The following QTRT2 variants were observed in gnomAD, a reference collection of about 807,000 sequenced individuals.
QTRT2 encodes the protein queuine tRNA-ribosyltransferase domain containing 1.
Under a neutral mutation model 44.8 loss-of-function variants are expected in QTRT2, and 32 were observed. The observed-to-expected ratio is 0.71, with a 90% CI of 0.54 to 0.96. The LOEUF (loss-of-function observed/expected upper bound fraction) is 0.96, where lower values mean the gene tolerates loss of function less well. QTRT2 is among the 40% of genes least tolerant of loss of function. The probability of loss-of-function intolerance (pLI) is 0.00; values close to 1 mark genes in which losing one functional copy is unlikely to be tolerated. For missense variants in QTRT2, 461 were observed against 503.1 expected (o/e 0.92, Z 0.80); for synonymous variants, 182 against 187.4 (o/e 0.97, Z 0.24).
chr3:114,062,361 C>A (rs542501503), intron 2 of QTRT2, among the ~76,000 whole-genome samples: 1 of 112,646 alleles, frequency 8.9e-6, no homozygotes, highest in Admixed American at 1.1e-4. Flanking sequence ...AGAGTGAGAC[C>A]TTGTCTCAAA....
intron 6 of QTRT2, among the ~76,000 whole-genome samples, chr3:114,074,456 C>CT (rs1451431164): frequency 2.4e-4 from 36 of 152,328 alleles, no homozygotes; most frequent in African/African-American, 7.9e-4. Flanking sequence ...CAAGTTTTAT[C>CT]TTTCCTCTTC....
chr3:114,057,062 A>G lies in QTRT2; in HGVS notation c.-66A>G. The G allele has an allele frequency of 7.3e-7, 1 of 1,378,824 alleles. No individual in the cohort carries two copies. Among genetic ancestry groups the G allele is most frequent in the South Asian group, 1.7e-5 (1 of 58,278 alleles). 85.4% of individuals were successfully genotyped at this position (1,378,824 alleles called of 1,614,324 possible). ...CATAAATCGTGTGAGCGTCGCCGAC[A>G]CCTCTGAGATAAAAGGGCCCCTTTC... On this transcript the variant is annotated 5_prime_UTR_variant, in exon 2 of 10. Transcript: ENST00000281273.
chr3:114,085,603 A>C (rs2077225124), intron 9 of QTRT2, 70 bp from the exon 10 acceptor site: 2 of 1,286,106 alleles, frequency 1.6e-6, no homozygotes, highest in Admixed American at 3.4e-5. Flanking sequence ...TACCAGCAGA[A>C]TAGATAGCTG....
chr3:114,061,014 C>A lies in QTRT2; in HGVS notation c.-22+3908C>A, dbSNP rs2076880351. ...GATTTCATTATGCTACTCAGAATGG[C>A]ATGCAATTTCAAACTTATGTTTATT... On this transcript the variant is annotated intron_variant, in intron 2 of 9. Transcript: ENST00000281273. Among the ~76,000 whole-genome samples the A allele has an allele frequency of 3.3e-5, 5 of 152,254 alleles. No homozygotes were observed. In the South Asian group the frequency reaches 1.0e-3, roughly 32 times the overall value.
In QTRT2 at chr3:114,080,075, T is replaced by C; in HGVS notation, c.898+18T>C. On this transcript the variant is annotated intron_variant, in intron 8 of 9. Coordinates refer to ENST00000281273, the MANE Select transcript of QTRT2 (RefSeq NM_024638.4). ...AGAGACACGTAAGTCTTTTGAAGTTTATCTCTTATCCTTAAGTTTCTTCCA... is the reference window on the plus strand; with the variant it reads ...AGAGACACGTAAGTCTTTTGAAGTTCATCTCTTATCCTTAAGTTTCTTCCA... The C allele has an allele frequency of 6.4e-7, 1 of 1,566,736 alleles. No homozygotes were observed. Among genetic ancestry groups the C allele is most frequent in the Non-Finnish European group, 8.6e-7 (1 of 1,158,802 alleles).
Position 114,069,821 on chromosome 3 carries a change from T to C in QTRT2, c.334-805T>C, listed in dbSNP as rs147577471. Reference sequence around the variant, plus strand: ...TTTTAGCTCAAAGATAGAATATTACTAATATATACTCTCTTGAACTAGGAG... The same window carrying C: ...TTTTAGCTCAAAGATAGAATATTACCAATATATACTCTCTTGAACTAGGAG... On this transcript the variant is annotated intron_variant, in intron 5 of 9. Coordinates refer to ENST00000281273, the MANE Select transcript of QTRT2 (RefSeq NM_024638.4). 7.4e-3 allele frequency among the ~76,000 whole-genome samples: 1,132 copies of C among 152,278 alleles called. 8 individuals carry two copies. Among genetic ancestry groups the C allele is most frequent in the Non-Finnish European group, 0.011 (749 of 68,004 alleles).
chr3:114,076,764 A>G lies in QTRT2; in HGVS notation c.568A>G (p.Ile190Val). 1.9e-6 allele frequency: 3 copies of G among 1,614,170 alleles called. No individual in the cohort carries two copies. Among genetic ancestry groups the G allele is most frequent in the African/African-American group, 2.7e-5 (2 of 75,050 alleles). Residue 190 changes from isoleucine (I) to valine (V), a missense_variant, in exon 7 of 10, where the codon ATT becomes GTT. Ile to Val is a conservative substitution (Grantham distance 29, BLOSUM62 3). Transcript: ENST00000281273. The part of the protein sequence containing the change: ...ESEVLQKSVI[I>V]GVIEGGDVME... ...TCAGGTTCTTCAGAAGAGTGTGATC[A>G]TTGGAGTGATTGAAGGTGGAGATGT...
At chr3:114,069,495 A>G (rs556630003) in intron 5 of QTRT2, among the ~76,000 whole-genome samples, 29 of 152,196 alleles carry the variant, frequency 1.9e-4, no homozygotes, top group African/African-American at 6.0e-4. Flanking sequence ...AACATGTGGT[A>G]TTTGATTTTC....
intron 6 of QTRT2, among the ~76,000 whole-genome samples, chr3:114,071,766 C>T (rs574433487): frequency 3.0e-4 from 46 of 152,258 alleles, no homozygotes; most frequent in African/African-American, 1.0e-3. Context: ...CCTTTGAATT[C>T]TTCTCTCTGC....
intron 6 of QTRT2, 103 bp from the exon 7 acceptor site, chr3:114,076,640 T>C (rs1300127501): frequency 2.8e-6 from 3 of 1,053,716 alleles, no homozygotes; most frequent in African/African-American, 1.6e-5. Context: ...CTACAGCAGC[T>C]TCACTGAGGT....
chr3:114,070,991 G>C (rs1361889167), intron 6 of QTRT2, among the ~76,000 whole-genome samples, 153 bp downstream of exon 6: 1 of 151,988 alleles, frequency 6.6e-6, no homozygotes, highest in Non-Finnish European at 1.5e-5. Flanking sequence ...TGAACCTTAA[G>C]TATTATTGTT....
At chr3:114,056,919 GT>G in intron 1 of QTRT2, 55 bp downstream of exon 1, 3 of 1,526,738 alleles carry the variant, frequency 2.0e-6, no homozygotes, top group Non-Finnish European at 2.6e-6. Context: ...GATGAGTCAC[GT>G]CGCGTCCAGA....
In QTRT2 at chr3:114,085,879, A is replaced by G; in HGVS notation, c.1223A>G (p.Glu408Gly). 6.2e-7 allele frequency: 1 copy of G among 1,614,114 alleles called. No homozygotes were observed. Among genetic ancestry groups the G allele is most frequent in the Non-Finnish European group, 8.5e-7 (1 of 1,179,960 alleles). ...LKSDKLAQLK[E>G]LIHRQAS ...AGTGACAAACTGGCACAGTTGAAAGAGCTCATCCACAGGCAAGCATCTTGA... is the reference window on the plus strand; with the variant it reads ...AGTGACAAACTGGCACAGTTGAAAGGGCTCATCCACAGGCAAGCATCTTGA... The change falls in exon 10 of 10, where the codon GAG becomes GGG. Residue 408 changes from glutamate to glycine, a missense_variant. By Grantham distance (98) the Glu-to-Gly change is moderately conservative. Coordinates refer to ENST00000281273, the MANE Select transcript of QTRT2 (RefSeq NM_024638.4).
rs1298673885 is a variant in QTRT2, at chr3:114,079,829, C to T, written c.747-77C>T. The T allele has an allele frequency of 9.3e-6, 13 of 1,397,378 alleles. No homozygotes were observed. The South Asian group carries it at 1.3e-4, about 14-fold the overall frequency. 86.6% of individuals were successfully genotyped at this position (1,397,378 alleles called of 1,614,324 possible). ...TTCATTATTACTATTTTTTTAGTGC[C>T]TTGTTCATTAAAAGGACTTTCTGAT... On this transcript the variant is annotated intron_variant, in intron 7 of 9. Transcript: ENST00000281273.
Position 114,076,754 on chromosome 3 carries a change from G to C in QTRT2, c.558G>C (p.Lys186Asn). The C allele has an allele frequency of 6.2e-7, 1 of 1,614,162 alleles. No homozygotes were observed. The highest frequency in any genetic ancestry group is 8.5e-7 in the Non-Finnish European group (1 of 1,179,970). ...CCTTCTTACCTCAGGTTCTTCAGAA[G>C]AGTGTGATCATTGGAGTGATTGAAG... ...RLQEESEVLQ[K>N]SVIIGVIEGG... Residue 186 changes from lysine (K) to asparagine (N), a missense_variant, in exon 7 of 10, where the codon AAG (lysine) becomes AAC (asparagine). Physicochemically the swap from Lys to Asn is moderately conservative, Grantham distance 94 (BLOSUM62 0). Coordinates refer to ENST00000281273, the MANE Select transcript of QTRT2 (RefSeq NM_024638.4).
At chr3:114,061,115 T>TA (rs1202446820) in intron 2 of QTRT2, among the ~76,000 whole-genome samples, 1 of 152,184 alleles carries the variant, frequency 6.6e-6, no homozygotes, top group African/African-American at 2.4e-5. Context: ...GAACTGTGAA[T>TA]GGGGGTACTG....
At chr3:114,059,118 G>A (rs573637901) in intron 2 of QTRT2, among the ~76,000 whole-genome samples, 2 of 152,376 alleles carry the variant, frequency 1.3e-5, no homozygotes, top group East Asian at 1.9e-4. Context: ...GAAGAGTGGA[G>A]GTGGTGGGTC....
intron 2 of QTRT2, among the ~76,000 whole-genome samples, chr3:114,058,882 T>A (rs1430281512): frequency 6.6e-6 from 1 of 152,218 alleles, no homozygotes; most frequent in African/African-American, 2.4e-5. Context: ...TGCACCACAT[T>A]GTTTAAAAGT....
chr3:114,073,761 C>T (rs954436181), intron 6 of QTRT2, among the ~76,000 whole-genome samples: 2 of 151,536 alleles, frequency 1.3e-5, no homozygotes, highest in Non-Finnish European at 2.9e-5. Context: ...TTAATAGTGC[C>T]CCCCCATTCT....
Sources: allele counts gnomAD v4.1 joint callset (sites outside exome capture counted in the v4.1 genomes callset), GRCh38; gene constraint gnomAD v4.1.1; transcripts MANE v1.5; gene names NCBI Gene and HGNC (gene_info 2026-07-23, HGNC 2026-07-21).